Variants in MAPK10 observed in about 807,000 individuals in gnomAD.
MAPK10 encodes JNK3 alpha protein kinase.
In MAPK10, 25 loss-of-function variants were observed where a neutral mutation model predicts 59.3. The observed-to-expected ratio is 0.42, with a 90% CI of 0.31 to 0.59. The LOEUF is 0.59. Ranked by LOEUF, MAPK10 falls within the 20% of genes least tolerant of loss-of-function variation. MAPK10 has a pLI of 0.15. For missense variants in MAPK10, 351 were observed against 568.9 expected (o/e 0.62, Z 3.90); for synonymous variants, 190 against 200.5 (o/e 0.95, Z 0.44).
At chr4:86,384,033 T>A (rs1741122904) in intron 1 of MAPK10, 1 of 152,220 alleles carries the variant, frequency 6.6e-6, no homozygotes, top group Middle Eastern at 3.2e-3. Flanking sequence ...GACTAGTTTG[T>A]ACTCAATAGT....
At chr4:86,581,899 TTATATA>T (rs67303972) in intron 1 of MAPK10, among the ~76,000 whole-genome samples, 2,531 of 91,224 alleles carry the variant, frequency 0.028, 56 homozygotes, top group African/African-American at 0.03. Flanking sequence ...GCTATATATA[TTATATA>T]TATATATATA....
chr4:86,292,679 C>T (rs796907943), intron 2 of MAPK10, among the ~76,000 whole-genome samples: 8 of 152,300 alleles, frequency 5.3e-5, no homozygotes, highest in African/African-American at 1.4e-4. Context: ...GATCGCACCA[C>T]TGCCCTCCAG....
intron 4 of MAPK10, among the ~76,000 whole-genome samples, chr4:86,131,421 T>C (rs73837416): frequency 0.049 from 7,464 of 152,214 alleles, 611 homozygotes; most frequent in African/African-American, 0.17. Context: ...TATTTCGAGA[T>C]TAATCTATCA....
At chr4:86,112,148 C>CAA (rs58506105) in intron 4 of MAPK10, among the ~76,000 whole-genome samples, 28 of 144,854 alleles carry the variant, frequency 1.9e-4, no homozygotes, top group Admixed American at 6.2e-4. Context: ...TTAACTTTTC[C>CAA]AAAAAAAAAA....
At chr4:86,218,776 A>G (rs2088602289) in intron 2 of MAPK10, among the ~76,000 whole-genome samples, 1 of 152,210 alleles carries the variant, frequency 6.6e-6, no homozygotes, top group Non-Finnish European at 1.5e-5. Flanking sequence ...AGTGATATGG[A>G]AAAATCTAAC....
chr4:86,099,511 A>G (rs2054915605), intron 8 of MAPK10: 1 of 152,228 alleles, frequency 6.6e-6, no homozygotes, highest in South Asian at 2.1e-4. Flanking sequence ...AGGGGACAGC[A>G]GGGCATGCCT....
At chr4:86,355,245 A>G (rs745913766) in intron 1 of MAPK10, among the ~76,000 whole-genome samples, 1 of 152,100 alleles carries the variant, frequency 6.6e-6, no homozygotes, top group Non-Finnish European at 1.5e-5. Flanking sequence ...ATGTCAAACC[A>G]TAAGTTTTTA....
intron 1 of MAPK10, chr4:86,429,670 G>A (rs1479610122): frequency 6.6e-6 from 1 of 151,988 alleles, no homozygotes; most frequent in Non-Finnish European, 1.5e-5. Context: ...AGGCATGGTG[G>A]TGCATACCTG....
rs73834262 is a variant in MAPK10 at position 86,276,661 on chromosome 4, T to C, written c.-7+77869A>G. 7.0e-3 allele frequency among the ~76,000 whole-genome samples: 1,072 copies of C among 152,290 alleles called. 13 individuals carry two copies. The highest frequency in any genetic ancestry group is 0.024 in the African/African-American group (1,005 of 41,576). ...ATTAATTATCAGTATCTCCTCTGCATGGCTAAAGATAACATGTACAGTGGT... is the reference window on the plus strand; with the variant it reads ...ATTAATTATCAGTATCTCCTCTGCACGGCTAAAGATAACATGTACAGTGGT... On this transcript the variant is annotated intron_variant, in intron 2 of 13. Transcript: ENST00000641462.
intron 1 of MAPK10, among the ~76,000 whole-genome samples, chr4:86,414,521 T>A (rs1213858688): frequency 6.6e-6 from 1 of 152,212 alleles, no homozygotes; most frequent in Non-Finnish European, 1.5e-5. Context: ...GTAGAAGAAG[T>A]AGACACACAG....
intron 2 of MAPK10, among the ~76,000 whole-genome samples, chr4:86,256,746 T>C (rs1277921050): frequency 1.4e-5 from 2 of 138,286 alleles, no homozygotes; most frequent in Non-Finnish European, 3.1e-5. Flanking sequence ...TTTTTTTTTT[T>C]TTTTTTTTTT....
intron 2 of MAPK10, among the ~76,000 whole-genome samples, chr4:86,305,900 C>A (rs1478265400): frequency 6.6e-6 from 1 of 151,274 alleles, no homozygotes; most frequent in African/African-American, 2.4e-5. Context: ...CACTTTTAAT[C>A]AAGGAAATGG....
At chr4:86,300,594 G>A (rs2095450628) in intron 2 of MAPK10, 1 of 152,270 alleles carries the variant, frequency 6.6e-6, no homozygotes, top group South Asian at 2.1e-4. Flanking sequence ...TGAAAAAGTT[G>A]TAGAACAATA....
intron 4 of MAPK10, among the ~76,000 whole-genome samples, chr4:86,119,095 A>G (rs1580602007): frequency 6.6e-6 from 1 of 152,186 alleles, no homozygotes; most frequent in African/African-American, 2.4e-5. Context: ...GTTTGGCTGT[A>G]CAAGTTTGGT....
chr4:86,491,542 G>A lies in MAPK10; in HGVS notation c.-263+102368C>T, dbSNP rs538867724. On this transcript the variant is annotated intron_variant, in intron 1 of 4. Coordinates refer to the MAPK10 transcript ENST00000502302. ...TGGGTGAATCAAAATATCTGGTTTC[G>A]CAGGATATTATCTCCTAGCAGCTCT... Among the ~76,000 whole-genome samples, 76 of 152,208 alleles carry A rather than the reference G, an allele frequency of 5.0e-4. 1 individual carries two copies. Among genetic ancestry groups the A allele is most frequent in the Admixed American group, 3.3e-3 (50 of 15,296 alleles).
At chr4:86,539,042 A>G (rs1348826164) in intron 1 of MAPK10, among the ~76,000 whole-genome samples, 1 of 152,190 alleles carries the variant, frequency 6.6e-6, no homozygotes, top group Admixed American at 6.5e-5. Context: ...ATCAATCCCC[A>G]TCAGTGTTGT....
At chr4:86,452,539 A>G (rs190579261) in intron 1 of MAPK10, among the ~76,000 whole-genome samples, 5 of 152,090 alleles carry the variant, frequency 3.3e-5, no homozygotes, top group Admixed American at 1.3e-4. Context: ...ACACACACAC[A>G]CGCAAGTCTG....
intron 3 of MAPK10, among the ~76,000 whole-genome samples, chr4:86,177,885 A>C (rs562370245): frequency 6.6e-6 from 1 of 152,232 alleles, no homozygotes; most frequent in African/African-American, 2.4e-5. Flanking sequence ...TATTATCCAG[A>C]GGAATAAAAT....
intron 4 of MAPK10, among the ~76,000 whole-genome samples, chr4:86,135,769 A>C (rs2061925153): frequency 6.6e-6 from 1 of 152,146 alleles, no homozygotes; most frequent in Non-Finnish European, 1.5e-5. Flanking sequence ...CAAAAGGCAA[A>C]GAAGTTGAAA....
Sources: allele counts gnomAD v4.1 joint callset (sites outside exome capture counted in the v4.1 genomes callset), GRCh38; gene constraint gnomAD v4.1.1; transcripts MANE v1.5; gene names NCBI Gene and HGNC (gene_info 2026-07-23, HGNC 2026-07-21).